FGGY: variants seen among roughly 807,000 people sequenced by gnomAD.
FGGY encodes FGGY carbohydrate kinase domain containing.
Under a neutral mutation model 71.3 loss-of-function variants are expected in FGGY, and 72 were observed. The ratio of observed to expected loss-of-function variants is 1.01; its 90% confidence interval spans 0.84 to 1.23. The LOEUF (loss-of-function observed/expected upper bound fraction) is 1.23, where lower values mean the gene tolerates loss of function less well. Ranked by LOEUF, FGGY falls within the 50% of genes most tolerant of loss-of-function variation. The probability of loss-of-function intolerance (pLI) is 0.00; values close to 1 mark genes in which losing one functional copy is unlikely to be tolerated. For synonymous variants in FGGY, 251 were observed against 250.3 expected, an observed-to-expected ratio of 1.00 and a Z score of -0.02; for missense variants, 668 against 682.3, an observed-to-expected ratio of 0.98 and a Z score of 0.23.
At chr1:59,503,571 C>T (rs2094291947) in intron 6 of FGGY, among the ~76,000 whole-genome samples, 1 of 138,484 alleles carries the variant, frequency 7.2e-6, no homozygotes, top group South Asian at 2.2e-4. Flanking sequence ...TCTAGGTATA[C>T]GCATTGGCTT....
At chr1:59,495,311 G>A (rs983152480) in intron 6 of FGGY, among the ~76,000 whole-genome samples, 1 of 151,906 alleles carries the variant, frequency 6.6e-6, no homozygotes, top group Non-Finnish European at 1.5e-5. Context: ...AGTTTCTTTT[G>A]CTGTGTGGAA....
chr1:59,605,835 C>G (rs1041783653), intron 8 of FGGY, among the ~76,000 whole-genome samples: 1 of 152,120 alleles, frequency 6.6e-6, no homozygotes, highest in African/African-American at 2.4e-5. Flanking sequence ...CTGGGCCTAG[C>G]ACATTACCAA....
intron 5 of FGGY, among the ~76,000 whole-genome samples, chr1:59,439,000 A>G (rs2069147568): frequency 6.6e-6 from 1 of 152,098 alleles, no homozygotes; most frequent in Non-Finnish European, 1.5e-5. Context: ...TTTTATATCT[A>G]CTTCATAATC....
intron 4 of FGGY, among the ~76,000 whole-genome samples, chr1:59,347,700 T>C (rs1253007377): frequency 6.6e-6 from 1 of 152,068 alleles, no homozygotes; most frequent in African/African-American, 2.4e-5. Context: ...AAACAAGAAA[T>C]GGGGAAAGGA....
intron 5 of FGGY, among the ~76,000 whole-genome samples, chr1:59,436,551 C>T (rs941082055): frequency 2.6e-5 from 4 of 152,028 alleles, no homozygotes; most frequent in Admixed American, 1.3e-4. Context: ...CTTACATAAA[C>T]GTTTGTCAAG....
At chr1:59,680,157 T>C (rs1047692932) in intron 14 of FGGY, among the ~76,000 whole-genome samples, 1 of 152,122 alleles carries the variant, frequency 6.6e-6, no homozygotes, top group Non-Finnish European at 1.5e-5. Flanking sequence ...CTTATAATCC[T>C]ACTTATTTCA....
chr1:59,757,617 T>C (rs1434140509), intron 14 of FGGY, among the ~76,000 whole-genome samples: 7 of 152,198 alleles, frequency 4.6e-5, no homozygotes, highest in African/African-American at 1.4e-4. Context: ...GAAATAATTC[T>C]TCCCACTTAC....
chr1:59,388,286 A>G (rs1485768059), intron 5 of FGGY, among the ~76,000 whole-genome samples: 1 of 152,196 alleles, frequency 6.6e-6, no homozygotes, highest in Non-Finnish European at 1.5e-5. Flanking sequence ...ATAGGAGGTG[A>G]AAGTGTGAGC....
chr1:59,490,669 T>G (rs1476686355), intron 6 of FGGY, among the ~76,000 whole-genome samples: 1 of 152,194 alleles, frequency 6.6e-6, no homozygotes, highest in Non-Finnish European at 1.5e-5. Flanking sequence ...TGTTTAGGTC[T>G]TTGATCCATT....
At chr1:59,492,857 G>T (rs1417120664) in intron 6 of FGGY, among the ~76,000 whole-genome samples, 3 of 151,950 alleles carry the variant, frequency 2.0e-5, no homozygotes, top group Non-Finnish European at 4.4e-5. Flanking sequence ...AAATTCCTAA[G>T]CACTTTGGGG....
intron 8 of FGGY, among the ~76,000 whole-genome samples, chr1:59,562,460 C>T (rs531370921): frequency 6.6e-6 from 1 of 152,140 alleles, no homozygotes; most frequent in Non-Finnish European, 1.5e-5. Flanking sequence ...GGCTTTTGTT[C>T]CTGGCCTTCT....
intron 14 of FGGY, among the ~76,000 whole-genome samples, chr1:59,752,713 C>A (rs1009262505): frequency 1.3e-5 from 2 of 152,192 alleles, no homozygotes; most frequent in African/African-American, 4.8e-5. Flanking sequence ...TTGGGTGTTT[C>A]CCCTGGCCAC....
intron 1 of FGGY, among the ~76,000 whole-genome samples, chr1:59,297,502 A>G (rs1345070240): frequency 6.6e-6 from 1 of 152,024 alleles, no homozygotes; most frequent in Non-Finnish European, 1.5e-5. Context: ...ATATCTTTTC[A>G]TTTTTAGCCG....
chr1:59,539,121 A>G (rs2095397253), intron 7 of FGGY, among the ~76,000 whole-genome samples: 1 of 152,220 alleles, frequency 6.6e-6, no homozygotes, highest in Admixed American at 6.5e-5. Flanking sequence ...GAGTAACTAA[A>G]GAAGTCATAA....
chr1:59,301,273 AGTT>A (rs1472851256), intron 1 of FGGY, among the ~76,000 whole-genome samples: 1 of 152,180 alleles, frequency 6.6e-6, no homozygotes, highest in Non-Finnish European at 1.5e-5. Flanking sequence ...TTTATTTTCC[AGTT>A]GTTTTCTTGT....
At chr1:59,691,867 AT>A (rs2097592209) in intron 14 of FGGY, among the ~76,000 whole-genome samples, 2 of 151,842 alleles carry the variant, frequency 1.3e-5, no homozygotes, top group African/African-American at 4.8e-5. Flanking sequence ...CACTTACTTT[AT>A]TTTTGTCATT....
rs767559474 is a variant in FGGY at position 59,362,055 on chromosome 1, G to A, written c.465+15657G>A. 2.6e-5 allele frequency among the ~76,000 whole-genome samples: 4 copies of A among 152,168 alleles called. No homozygotes were observed. The East Asian group carries it at 5.8e-4, about 22-fold the overall frequency. ...TTCTGCCCTCCCTTCTCGATGCTTTGTCTTGCTGGGGACATTGTCATGGTC... is the reference window on the plus strand; with the variant it reads ...TTCTGCCCTCCCTTCTCGATGCTTTATCTTGCTGGGGACATTGTCATGGTC... On this transcript the variant is annotated intron_variant, in intron 4 of 15. Transcript: ENST00000303721.
At chr1:59,411,838 T>G (rs1279950148) in intron 5 of FGGY, among the ~76,000 whole-genome samples, 1 of 152,142 alleles carries the variant, frequency 6.6e-6, no homozygotes, top group Non-Finnish European at 1.5e-5. Flanking sequence ...TTTTAAGGCA[T>G]TTTTGCTTTC....
chr1:59,587,677 A>C (rs564873814), intron 8 of FGGY, among the ~76,000 whole-genome samples: 15 of 152,348 alleles, frequency 9.8e-5, no homozygotes, highest in African/African-American at 3.6e-4. Flanking sequence ...GCTGTTACCC[A>C]GGCAAACAGG....
Sources: allele counts gnomAD v4.1 joint callset (sites outside exome capture counted in the v4.1 genomes callset), GRCh38; gene constraint gnomAD v4.1.1; transcripts MANE v1.5; gene names NCBI Gene and HGNC (gene_info 2026-07-23, HGNC 2026-07-21).